ZNF695: variants seen among roughly 807,000 people sequenced by gnomAD.
ZNF695 encodes the protein zinc finger protein SBZF3.
Under a neutral mutation model 11.2 loss-of-function variants are expected in ZNF695, and 11 were observed. The observed-to-expected ratio is 0.98, with a 90% CI of 0.62 to 1.62. The LOEUF (loss-of-function observed/expected upper bound fraction) is 1.62. Among genes scored for constraint, ZNF695 ranks in the 40% most tolerant of loss-of-function variants. The pLI is 0.00. For synonymous variants in ZNF695, 190 were observed against 201.4 expected, an observed-to-expected ratio of 0.94 and a Z score of 0.48; for missense variants, 559 against 590.5, an observed-to-expected ratio of 0.95 and a Z score of 0.55.
In ZNF695 at chr1:247,006,855, T is replaced by C. The variant is rs180965773; in HGVS notation, c.3+1051A>G. On this transcript the variant is annotated intron_variant, in intron 1 of 3. Coordinates refer to ENST00000339986, the MANE Select transcript of ZNF695 (RefSeq NM_020394.5). Reference sequence around the variant, plus strand: ...TTAGAATACTTAAATGGCAGACAATTAGACTGAGTGGCTTTGATGTCCTGG... The same window carrying C: ...TTAGAATACTTAAATGGCAGACAATCAGACTGAGTGGCTTTGATGTCCTGG... 3.9e-5 allele frequency among the ~76,000 whole-genome samples: 6 copies of C among 152,288 alleles called. No homozygotes were observed. In the East Asian group the frequency reaches 1.2e-3, roughly 29 times the overall value.
At chr1:246,959,634 G>A (rs1383027861) in intron 5 of ZNF695, among the ~76,000 whole-genome samples, 1 of 151,674 alleles carries the variant, frequency 6.6e-6, no homozygotes, top group Non-Finnish European at 1.5e-5. Flanking sequence ...CACTATCTTG[G>A]CCAGGCTGGT....
intron 3 of ZNF695, among the ~76,000 whole-genome samples, chr1:246,995,813 CAAAAAAA>C (rs60375785): frequency 6.0e-5 from 4 of 66,758 alleles, no homozygotes; most frequent in Non-Finnish European, 1.2e-4. Context: ...GACTCTGTCT[CAAAAAAA>C]AAAAAAAAAA....
intron 3 of ZNF695, among the ~76,000 whole-genome samples, chr1:246,992,042 C>T (rs1273191137): frequency 6.6e-6 from 1 of 152,032 alleles, no homozygotes; most frequent in African/African-American, 2.4e-5. Context: ...CGGGCACCTG[C>T]AGTCGCAGCT....
At chr1:246,994,258 T>G (rs1188670226) in intron 3 of ZNF695, among the ~76,000 whole-genome samples, 1 of 150,984 alleles carries the variant, frequency 6.6e-6, no homozygotes, top group Admixed American at 6.6e-5. Flanking sequence ...TATATTGTTG[T>G]GGCCAGACGC....
chr1:246,981,288 C>A (rs1397685813), downstream of ZNF695, among the ~76,000 whole-genome samples: 1 of 151,938 alleles, frequency 6.6e-6, no homozygotes, highest in Non-Finnish European at 1.5e-5. Context: ...TGAATGTGAA[C>A]CAATACAGCC....
rs117469603 is a variant in ZNF695 at position 246,977,309 on chromosome 1, T to G, written c.391-9517A>C. Among the ~76,000 whole-genome samples the G allele has an allele frequency of 1.3e-3, 202 of 152,310 alleles. 8 individuals are homozygous for G. In the East Asian group the frequency reaches 0.033, roughly 25 times the overall value. ...AGTCGGTCTGTCGCCCAGGCTGGAG[T>G]GCAGTGGTGTGATCTTGGCTCACTG... On this transcript the variant is annotated intron_variant, in intron 4 of 5. Transcript: ENST00000487338.
downstream of ZNF695, among the ~76,000 whole-genome samples, chr1:246,984,673 CAATT>C (rs1429116794): frequency 6.6e-6 from 1 of 152,078 alleles, no homozygotes; most frequent in Non-Finnish European, 1.5e-5. Flanking sequence ...CTCAATTACT[CAATT>C]AAGTGAAAGA....
intron 5 of ZNF695, among the ~76,000 whole-genome samples, chr1:246,961,239 C>T (rs1241071042): frequency 1.3e-5 from 2 of 152,174 alleles, no homozygotes; most frequent in Non-Finnish European, 2.9e-5. Context: ...CATAACACTT[C>T]ATTAGAAGTT....
intron 3 of ZNF695, chr1:246,995,975 C>G (rs764554055): frequency 9.0e-6 from 4 of 446,612 alleles, no homozygotes; most frequent in Non-Finnish European, 1.8e-5. Flanking sequence ...ATATTTATTG[C>G]AACATTATTC....
chr1:246,995,533 T>G (rs895083647), intron 3 of ZNF695, among the ~76,000 whole-genome samples: 6 of 152,038 alleles, frequency 3.9e-5, no homozygotes, highest in African/African-American at 1.4e-4. Flanking sequence ...ACTTTCTGAT[T>G]TTAAAATACA....
At chr1:246,964,121 C>T (rs1668230389) in intron 5 of ZNF695, among the ~76,000 whole-genome samples, 1 of 152,176 alleles carries the variant, frequency 6.6e-6, no homozygotes, top group Non-Finnish European at 1.5e-5. Flanking sequence ...ACGCCCCCTC[C>T]AGGGTGCATC....
At chr1:246,956,880 T>C (rs780145665) in intron 5 of ZNF695, among the ~76,000 whole-genome samples, 2 of 152,120 alleles carry the variant, frequency 1.3e-5, no homozygotes, top group African/African-American at 2.4e-5. Flanking sequence ...TTGTGATTAC[T>C]CAGTATAACG....
At chr1:246,956,678 T>C (rs1668010974) in intron 5 of ZNF695, among the ~76,000 whole-genome samples, 1 of 152,190 alleles carries the variant, frequency 6.6e-6, no homozygotes, top group Non-Finnish European at 1.5e-5. Context: ...GCCCATTCTA[T>C]GTTATTAGAT....
At chr1:246,964,794 C>T (rs942184340) in intron 5 of ZNF695, among the ~76,000 whole-genome samples, 1 of 151,862 alleles carries the variant, frequency 6.6e-6, no homozygotes, top group South Asian at 2.1e-4. Flanking sequence ...TCACTTGCAC[C>T]CAGGAGGTGG....
chr1:246,970,767 T>C (rs1030044078), intron 4 of ZNF695, among the ~76,000 whole-genome samples: 2 of 152,204 alleles, frequency 1.3e-5, no homozygotes, highest in East Asian at 3.9e-4. Flanking sequence ...TTTGTTTGTT[T>C]GTTTGTTTTT....
chr1:247,004,709 A>G (rs895815254), intron 1 of ZNF695, among the ~76,000 whole-genome samples: 2 of 152,248 alleles, frequency 1.3e-5, no homozygotes, highest in African/African-American at 4.8e-5. Context: ...AAAACTATTC[A>G]AACTGAAAAG....
chr1:246,987,732 A>G lies in ZNF695; in HGVS notation c.783T>C (p.Asn261=). The part of the protein sequence containing the change: ...SCSSLAVVEK[N]HTEKKTYRCE... ...ATCTGTAGGTTTTCTTTTCAGTATG[A>G]TTTTTCTCAACAACAGCAAGACTTG... Residue 261 remains asparagine, a synonymous_variant, in exon 4 of 4, where the codon AAT becomes AAC. Coordinates refer to ENST00000339986, the MANE Select transcript of ZNF695 (RefSeq NM_020394.5). 1 of 1,591,614 alleles carries G rather than the reference A, an allele frequency of 6.3e-7. No individual in the cohort carries two copies.
Position 246,987,599 on chromosome 1 carries a change from TAA to T in ZNF695, c.914_915del (p.Phe305Ter). The T allele has an allele frequency of 6.2e-7, 1 of 1,600,332 alleles. No individual in the cohort carries two copies. Among genetic ancestry groups the T allele is most frequent in the Non-Finnish European group, 8.5e-7 (1 of 1,175,062 alleles). The stretch of plus-strand genomic sequence containing the variant: ...TGTTGAGTAAGGTATGGGAACAACT[TAA>T]AGGATTTGCCACATTCTTCACATTT... ...PYKCEECGKS[F>X]KLFPYLTQHK... On this transcript the variant is annotated frameshift_variant, in exon 4 of 4. Coordinates refer to ENST00000339986, the MANE Select transcript of ZNF695 (RefSeq NM_020394.5). LOFTEE classifies it low-confidence loss of function (END_TRUNC).
intron 5 of ZNF695, among the ~76,000 whole-genome samples, chr1:246,957,155 G>A (rs886493503): frequency 6.6e-5 from 10 of 152,218 alleles, no homozygotes; most frequent in East Asian, 3.9e-4. Context: ...GACCGAGGCC[G>A]GCAGATCATG....
Sources: allele counts gnomAD v4.1 joint callset (sites outside exome capture counted in the v4.1 genomes callset), GRCh38; gene constraint gnomAD v4.1.1; transcripts MANE v1.5; gene names NCBI Gene and HGNC (gene_info 2026-07-23, HGNC 2026-07-21).